The following PID1 variants were observed in gnomAD, a reference collection of about 807,000 sequenced individuals.
PID1 encodes phosphotyrosine interaction domain containing 1.
Under a neutral mutation model 19.1 loss-of-function variants are expected in PID1, and 10 were observed. The ratio of observed to expected loss-of-function variants is 0.52; its 90% CI spans 0.32 to 0.89. The LOEUF is 0.89. Ranked by LOEUF, PID1 falls within the 40% of genes least tolerant of loss-of-function variation. The pLI is 0.03. For synonymous variants in PID1, 130 were observed against 116.0 expected (o/e 1.12, Z -0.78); for missense variants, 248 against 285.3 (o/e 0.87, Z 0.94).
intron 1 of PID1, among the ~76,000 whole-genome samples, chr2:229,190,504 G>T (rs931640850): frequency 6.6e-6 from 1 of 152,214 alleles, no homozygotes; most frequent in Non-Finnish European, 1.5e-5. Flanking sequence ...CTACAGAGGA[G>T]ACGGGCACAG....
chr2:229,069,937 G>C (rs921680539), intron 2 of PID1, among the ~76,000 whole-genome samples: 5 of 152,196 alleles, frequency 3.3e-5, no homozygotes, highest in African/African-American at 1.2e-4. Flanking sequence ...AAGTCAAGAG[G>C]GGGGAACAAA....
At chr2:229,095,506 C>T (rs1330811556) in intron 2 of PID1, among the ~76,000 whole-genome samples, 1 of 152,158 alleles carries the variant, frequency 6.6e-6, no homozygotes, top group African/African-American at 2.4e-5. Context: ...CATATTCCTT[C>T]AGAAATCCAA....
At chr2:229,071,601 C>G (rs545000912) in intron 2 of PID1, among the ~76,000 whole-genome samples, 2 of 152,346 alleles carry the variant, frequency 1.3e-5, no homozygotes, top group South Asian at 2.1e-4. Flanking sequence ...GTTTTATCAT[C>G]TTTCTGCCAC....
chr2:229,167,958 C>T (rs1202955942), intron 1 of PID1, among the ~76,000 whole-genome samples: 1 of 152,212 alleles, frequency 6.6e-6, no homozygotes, highest in African/African-American at 2.4e-5. Flanking sequence ...AACTTGTGTT[C>T]ATATTTTAGC....
intron 1 of PID1, among the ~76,000 whole-genome samples, chr2:229,160,685 A>G (rs1690474747): frequency 3.3e-5 from 5 of 152,174 alleles, no homozygotes; most frequent in Admixed American, 3.3e-4. Flanking sequence ...AAAGCTAGAG[A>G]GAGACTAAGA....
intron 2 of PID1, among the ~76,000 whole-genome samples, chr2:229,041,841 A>G (rs1693776958): frequency 6.6e-6 from 1 of 152,134 alleles, no homozygotes; most frequent in Non-Finnish European, 1.5e-5. Flanking sequence ...TTAAACTTCC[A>G]AAGTATAAAG....
chr2:229,031,230 A>G (rs1358089689), intron 2 of PID1, among the ~76,000 whole-genome samples: 1 of 150,866 alleles, frequency 6.6e-6, no homozygotes, highest in East Asian at 1.9e-4. Flanking sequence ...AAAAAAAAAA[A>G]AAAGAAATAT....
At chr2:229,036,683 G>T (rs1341730661) in intron 2 of PID1, among the ~76,000 whole-genome samples, 1 of 152,126 alleles carries the variant, frequency 6.6e-6, no homozygotes, top group Non-Finnish European at 1.5e-5. Context: ...GGGAGGCGGA[G>T]GTGGCCATGA....
At chr2:229,097,383 C>A (rs1345807621) in intron 2 of PID1, among the ~76,000 whole-genome samples, 1 of 152,134 alleles carries the variant, frequency 6.6e-6, no homozygotes, top group Non-Finnish European at 1.5e-5. Flanking sequence ...AACCTAAGCA[C>A]AACAACTTGG....
chr2:229,151,999 A>C (rs1690266526), intron 2 of PID1, among the ~76,000 whole-genome samples: 1 of 152,224 alleles, frequency 6.6e-6, no homozygotes, highest in Non-Finnish European at 1.5e-5. Flanking sequence ...TGGCACACAC[A>C]GTGCTCACAT....
intron 1 of PID1, among the ~76,000 whole-genome samples, chr2:229,262,309 A>C (rs575250867): frequency 3.9e-5 from 6 of 152,272 alleles, no homozygotes; most frequent in African/African-American, 1.2e-4. Context: ...AAGCTCATGT[A>C]CCATATTTTC....
intron 2 of PID1, among the ~76,000 whole-genome samples, chr2:229,090,141 C>T (rs941528102): frequency 6.6e-6 from 1 of 152,178 alleles, no homozygotes; most frequent in Non-Finnish European, 1.5e-5. Context: ...TGATCCCAAA[C>T]AATTTGCTCA....
intron 2 of PID1, among the ~76,000 whole-genome samples, chr2:229,124,672 A>G (rs1695587141): frequency 6.6e-6 from 1 of 152,150 alleles, no homozygotes; most frequent in African/African-American, 2.4e-5. Context: ...CCTGCTGTTC[A>G]AAAAGAAAAA....
chr2:229,049,103 C>T (rs1047312799), intron 2 of PID1, among the ~76,000 whole-genome samples: 1 of 152,094 alleles, frequency 6.6e-6, no homozygotes, highest in Non-Finnish European at 1.5e-5. Context: ...ATATTAAATT[C>T]TCTTTCAGAA....
intron 2 of PID1, among the ~76,000 whole-genome samples, chr2:229,151,487 G>A (rs894003788): frequency 6.6e-6 from 1 of 152,136 alleles, no homozygotes; most frequent in African/African-American, 2.4e-5. Context: ...GTGCATAGAT[G>A]AGTGCTTAAT....
chr2:229,133,493 C>T (rs1689787662), intron 2 of PID1, among the ~76,000 whole-genome samples: 1 of 152,222 alleles, frequency 6.6e-6, no homozygotes, highest in African/African-American at 2.4e-5. Context: ...TATTGCCTGG[C>T]TTCTTCCCTT....
intron 1 of PID1, among the ~76,000 whole-genome samples, chr2:229,210,530 A>T (rs1321900151): frequency 7.8e-6 from 1 of 127,918 alleles, no homozygotes; most frequent in Non-Finnish European, 1.7e-5. Context: ...TGTCTCAAAA[A>T]AAAAAAAAAA....
At chr2:229,099,198 A>C (rs1695029649) in intron 2 of PID1, among the ~76,000 whole-genome samples, 1 of 152,248 alleles carries the variant, frequency 6.6e-6, no homozygotes, top group Admixed American at 6.5e-5. Context: ...AAACAAGGTA[A>C]GAACTTTTTA....
At chr2:229,146,738 T>C (rs185077327) in intron 2 of PID1, among the ~76,000 whole-genome samples, 1 of 152,154 alleles carries the variant, frequency 6.6e-6, no homozygotes, top group Non-Finnish European at 1.5e-5. Context: ...TACTGGATTA[T>C]CCAACGGGCA....
Sources: gnomAD v4.1 joint callset for allele counts (sites outside exome capture counted in the v4.1 genomes callset) on GRCh38, gnomAD v4.1.1 for gene constraint, MANE v1.5 for transcripts, NCBI Gene and HGNC (gene_info 2026-07-23, HGNC 2026-07-21) for gene names.